Variants in KRT86 observed in about 807,000 individuals in gnomAD.
The protein encoded by KRT86 is keratin, type II cuticular Hb6.
A neutral mutation model predicts 41.2 loss-of-function variants in KRT86; 30 were observed. The ratio of observed to expected loss-of-function variants is 0.73; its 90% CI spans 0.54 to 0.99. The LOEUF (loss-of-function observed/expected upper bound fraction) is 0.99. Among genes scored for constraint, KRT86 ranks in the 50% least tolerant of loss-of-function variants. The pLI, the probability that KRT86 is intolerant of heterozygous loss-of-function variation, is 0.00. For missense variants in KRT86, 561 were observed against 571.4 expected (o/e 0.98, Z 0.19); for synonymous variants, 238 against 238.1 (o/e 1.00, Z 0.00).
rs376338641 is a variant in KRT86 at position 52,304,451 on chromosome 12, G to T, written c.639+280G>T. Among the ~76,000 whole-genome samples, 96,763 of 140,272 alleles carry T rather than the reference G, an allele frequency of 0.69. 33,420 individuals are homozygous for T. Among genetic ancestry groups the T allele is most frequent in the African/African-American group, 0.83 (29,397 of 35,468 alleles). The allele number at this position is 140,272 out of a possible 152,430, so 92.0% of individuals were successfully genotyped here. A position where few individuals can be genotyped will look rare whatever the true frequency, so the allele number is the denominator to read the frequency against. On this transcript the variant is annotated intron_variant, in intron 5 of 10. Coordinates refer to ENST00000423955, the MANE Select transcript of KRT86 (RefSeq NM_001320198.2). ...CCAGAGGTTGTGGTCTATTGCTGAGGCCCCTGGAGCCATAGCAGATACAAT... is the reference window on the plus strand; with the variant it reads ...CCAGAGGTTGTGGTCTATTGCTGAGTCCCCTGGAGCCATAGCAGATACAAT...
intron 9 of KRT86, among the ~76,000 whole-genome samples, chr12:52,307,897 A>G (rs1417647065): frequency 6.6e-6 from 1 of 152,240 alleles, no homozygotes; most frequent in Non-Finnish European, 1.5e-5. Context: ...CTTAAGGGCT[A>G]TGAGCCAGGC....
chr12:52,283,452 T>C (rs115063098), intron 2 of KRT86, among the ~76,000 whole-genome samples: 6,729 of 138,740 alleles, frequency 0.049, 626 homozygotes, highest in African/African-American at 0.17. Flanking sequence ...GGGATGTTAG[T>C]AGCCACCTAA....
At chr12:52,278,259 G>A (rs1424845886) in intron 2 of KRT86, among the ~76,000 whole-genome samples, 1 of 152,150 alleles carries the variant, frequency 6.6e-6, no homozygotes, top group Non-Finnish European at 1.5e-5. Context: ...TGGCAGGGAG[G>A]TCCTATTATC....
intron 7 of KRT86, 122 bp from the exon 8 acceptor site, chr12:52,305,541 G>T (rs556049411): frequency 6.3e-6 from 10 of 1,599,446 alleles, no homozygotes; most frequent in Non-Finnish European, 8.5e-6. Flanking sequence ...GGGGTGGTAG[G>T]GCAGGACTGC....
intron 2 of KRT86, among the ~76,000 whole-genome samples, chr12:52,297,799 C>A (rs181454095): frequency 2.5e-4 from 38 of 152,316 alleles, no homozygotes; most frequent in African/African-American, 8.4e-4. Context: ...TGTCTTCTGG[C>A]AAGTTCTTCC....
At position 52,286,388 on chromosome 12, in the gene KRT86, G is replaced by T. The variant is rs74095618; in HGVS notation, c.-5+10442G>T. On this transcript the variant is annotated intron_variant, in intron 2 of 10. Transcript: ENST00000423955. ...GGGCGCACACAGGCCGGTGCTCACCGCCACGTTCCCGTTGCACGGAGCGCT... is the reference window on the plus strand; with the variant it reads ...GGGCGCACACAGGCCGGTGCTCACCTCCACGTTCCCGTTGCACGGAGCGCT... 3.1e-5 allele frequency: 48 copies of T among 1,555,200 alleles called. No homozygotes were observed. Among genetic ancestry groups the T allele is most frequent in the Non-Finnish European group, 3.9e-5 (45 of 1,149,202 alleles).
At chr12:52,286,171 A>G in intron 2 of KRT86, 1 of 1,089,450 alleles carries the variant, frequency 9.2e-7, no homozygotes, top group East Asian at 2.6e-5. Context: ...GTAGCTGAGC[A>G]CTTGCTCCAG....
intron 2 of KRT86, chr12:52,277,652 G>C (rs1392797195): frequency 6.6e-6 from 1 of 152,546 alleles, no homozygotes; most frequent in Non-Finnish European, 1.5e-5. Flanking sequence ...TGTGAGTACT[G>C]AGAGCTGTGA....
Position 52,281,598 on chromosome 12 carries a change from C to T in KRT86, c.-5+5652C>T, listed in dbSNP as rs564355568. 3.9e-5 allele frequency among the ~76,000 whole-genome samples: 6 copies of T among 152,292 alleles called. No individual in the cohort carries two copies. In the East Asian group the frequency reaches 1.2e-3, roughly 29 times the overall value. On this transcript the variant is annotated intron_variant, in intron 2 of 10. Coordinates refer to ENST00000423955, the MANE Select transcript of KRT86 (RefSeq NM_001320198.2). ...GCTGTAAGAGATCAACCAGACCAGC[C>T]TGGAGTAAGGAAGGAAGGGCCTTGA...
intron 2 of KRT86, chr12:52,287,602 C>T (rs1188149984): frequency 1.9e-6 from 3 of 1,613,952 alleles, no homozygotes; most frequent in Admixed American, 3.3e-5. Context: ...ATACCTGGCA[C>T]TTGGCATTCT....
In KRT86 at chr12:52,306,385, C is replaced by A. The variant is rs1202972527; in HGVS notation, c.1247+105C>A. 2.1e-5 allele frequency: 33 copies of A among 1,554,910 alleles called. No homozygotes were observed. In the East Asian group the frequency reaches 5.9e-4, roughly 28 times the overall value. On this transcript the variant is annotated intron_variant, in intron 9 of 10. Coordinates refer to ENST00000423955, the MANE Select transcript of KRT86 (RefSeq NM_001320198.2). ...TAAGTTTTGTTTCTTAACCTCCCCA[C>A]CCTGCAACCAGACAGGTAATTTGTG...
chr12:52,281,352 A>T (rs1345919312), intron 2 of KRT86, among the ~76,000 whole-genome samples: 1 of 152,204 alleles, frequency 6.6e-6, no homozygotes, highest in Admixed American at 6.5e-5. Flanking sequence ...GGCTGTGGTC[A>T]TGTCTCTATC....
chr12:52,284,164 CAG>C (rs1565737810), intron 2 of KRT86, among the ~76,000 whole-genome samples: 1 of 152,100 alleles, frequency 6.6e-6, no homozygotes. Flanking sequence ...GGACTCCTGA[CAG>C]GGGCTGCTGC....
intron 2 of KRT86, among the ~76,000 whole-genome samples, chr12:52,294,624 C>CA (rs1350449027): frequency 6.6e-6 from 1 of 152,012 alleles, no homozygotes; most frequent in Non-Finnish European, 1.5e-5. Context: ...TATTTCAACA[C>CA]AAAAAATGCA....
intron 2 of KRT86, chr12:52,287,530 C>A (rs549578943): frequency 4.0e-5 from 65 of 1,613,670 alleles, no homozygotes; most frequent in Non-Finnish European, 5.2e-5. Flanking sequence ...AGGTAGGGCA[C>A]ACATAGGCTG....
intron 2 of KRT86, among the ~76,000 whole-genome samples, chr12:52,296,114 T>C (rs1938243397): frequency 6.6e-6 from 1 of 151,760 alleles, no homozygotes; most frequent in African/African-American, 2.4e-5. Flanking sequence ...TCAGAGGAGA[T>C]TTCTAGGAAA....
At chr12:52,285,069 A>G (rs58367605) in intron 2 of KRT86, among the ~76,000 whole-genome samples, 1,649 of 152,360 alleles carry the variant, frequency 0.011, 31 homozygotes, top group African/African-American at 0.037. Flanking sequence ...ATTTTGTGGC[A>G]TGCACCATCT....
At chr12:52,278,881 C>CGTTTGCGTGTGTGGGGAAGGGGGTCCTG (rs1937702925) in intron 2 of KRT86, 1 of 152,182 alleles carries the variant, frequency 6.6e-6, no homozygotes, top group African/African-American at 2.4e-5. Flanking sequence ...GGGGTGACTG[C>CGTTTGCGTGTGTGGGGAAGGGGGTCCTG]GTTTGCGTGT....
chr12:52,305,681 A>T lies in KRT86; in HGVS notation c.919A>T (p.Thr307Ser). 1 of 1,614,106 alleles carries T rather than the reference A, an allele frequency of 6.2e-7. No homozygotes were observed. The change falls in exon 8 of 11, where the codon ACG becomes TCG. Residue 307 changes from threonine to serine, a missense_variant. Physicochemically the swap from Thr to Ser is moderately conservative, Grantham distance 58. This residue lies in a region of KRT86 where 397 missense variants were observed against 375.9 expected (regional missense o/e 1.06). Transcript: ENST00000423955. The stretch of plus-strand genomic sequence containing the variant: ...CCCCCAGTGTGAGGAGATGAAGGCC[A>T]CGGTGATCAGGCACGGGGAGACCCT... ...YRSKCEEMKA[T>S]VIRHGETLRR...
Sources: gnomAD v4.1 joint callset for allele counts (sites outside exome capture counted in the v4.1 genomes callset) on GRCh38, gnomAD v4.1.1 for gene constraint, gnomAD v4.1.1 regional missense constraint, MANE v1.5 for transcripts, NCBI Gene and HGNC (gene_info 2026-07-23, HGNC 2026-07-21) for gene names.